Variants in KCND2 observed in about 807,000 individuals in gnomAD.
The protein encoded by KCND2 is potassium voltage-gated channel subfamily D member 2.
In KCND2, 16 loss-of-function variants were observed where a neutral mutation model predicts 54.4. The observed-to-expected ratio is 0.29, with a 90% confidence interval of 0.20 to 0.45. KCND2 has a LOEUF of 0.45. Ranked by LOEUF, KCND2 falls within the 20% of genes least tolerant of loss-of-function variation. KCND2 has a pLI of 1.00. For missense variants in KCND2, 486 were observed against 824.2 expected (o/e 0.59, Z 5.02); for synonymous variants, 317 against 310.7 (o/e 1.02, Z -0.21).
chr7:120,288,634 G>C (rs924071470), intron 1 of KCND2, among the ~76,000 whole-genome samples: 45 of 152,072 alleles, frequency 3.0e-4, no homozygotes, highest in African/African-American at 9.7e-4. Context: ...ATGAGGTCCA[G>C]GTGTAATGAG....
intron 1 of KCND2, among the ~76,000 whole-genome samples, chr7:120,422,065 T>C (rs921158442): frequency 5.9e-5 from 9 of 152,088 alleles, no homozygotes; most frequent in African/African-American, 2.2e-4. Flanking sequence ...ATGCTAAATA[T>C]GAAAAAAGGA....
At chr7:120,692,347 G>A (rs933864286) in intron 1 of KCND2, among the ~76,000 whole-genome samples, 2 of 152,126 alleles carry the variant, frequency 1.3e-5, no homozygotes, top group African/African-American at 2.4e-5. Context: ...TGTGGTGCTT[G>A]GGGACCAGTT....
In KCND2 at chr7:120,677,457, G is replaced by C. The variant is rs75247950; in HGVS notation, c.1116-55446G>C. Among the ~76,000 whole-genome samples, 101 of 151,678 alleles carry C rather than the reference G, an allele frequency of 6.7e-4. 1 individual carries two copies. In the East Asian group the frequency reaches 0.017, roughly 26 times the overall value. ...CAGCTAGTCTTTGTGAAATAGTTGA[G>C]GATAGAGGTGGATCTGCTGTTAAGT... On this transcript the variant is annotated intron_variant, in intron 1 of 5. Coordinates refer to ENST00000331113, the MANE Select transcript of KCND2 (RefSeq NM_012281.3).
chr7:120,567,618 A>G (rs1792314035), intron 1 of KCND2, among the ~76,000 whole-genome samples: 1 of 152,166 alleles, frequency 6.6e-6, no homozygotes, highest in East Asian at 1.9e-4. Flanking sequence ...GAGAAACACA[A>G]ATATCTAAAA....
intron 1 of KCND2, among the ~76,000 whole-genome samples, chr7:120,563,243 C>T: frequency 6.6e-6 from 1 of 152,000 alleles, no homozygotes; most frequent in Non-Finnish European, 1.5e-5. Flanking sequence ...ATTGTAAGTT[C>T]AAGAATAGTT....
chr7:120,665,259 A>T (rs745437160), intron 1 of KCND2, among the ~76,000 whole-genome samples: 29 of 152,098 alleles, frequency 1.9e-4, no homozygotes, highest in Non-Finnish European at 3.5e-4. Flanking sequence ...TTTGTTTAAG[A>T]GTTGGGTGAT....
At chr7:120,369,355 A>G (rs1800732635) in intron 1 of KCND2, among the ~76,000 whole-genome samples, 1 of 152,048 alleles carries the variant, frequency 6.6e-6, no homozygotes, top group South Asian at 2.1e-4. Flanking sequence ...TTATAAGAAA[A>G]AAGATACTAT....
intron 1 of KCND2, among the ~76,000 whole-genome samples, chr7:120,465,045 C>T (rs185383753): frequency 2.6e-5 from 4 of 152,234 alleles, no homozygotes; most frequent in Admixed American, 1.3e-4. Flanking sequence ...GTAACACCAG[C>T]GGCAAAGGTC....
At chr7:120,621,755 A>G (rs1186116612) in intron 1 of KCND2, among the ~76,000 whole-genome samples, 2 of 152,186 alleles carry the variant, frequency 1.3e-5, no homozygotes, top group Non-Finnish European at 2.9e-5. Context: ...CTCAGTAACA[A>G]GAAGAGGAAA....
At chr7:120,497,987 A>G (rs550872276) in intron 1 of KCND2, among the ~76,000 whole-genome samples, 2 of 152,344 alleles carry the variant, frequency 1.3e-5, no homozygotes, top group South Asian at 2.1e-4. Flanking sequence ...ATGGAATGAC[A>G]ATAGAGGAAG....
At chr7:120,661,353 A>G (rs929923006) in intron 1 of KCND2, among the ~76,000 whole-genome samples, 4 of 152,162 alleles carry the variant, frequency 2.6e-5, no homozygotes, top group Non-Finnish European at 4.4e-5. Context: ...TCACCTCAGT[A>G]AAAGAAAAAA....
chr7:120,694,921 G>A (rs1792315707), intron 1 of KCND2, among the ~76,000 whole-genome samples: 1 of 152,050 alleles, frequency 6.6e-6, no homozygotes, highest in African/African-American at 2.4e-5. Context: ...TCAAGTTCCA[G>A]TTTAAATCTG....
chr7:120,615,995 C>T (rs578095141), intron 1 of KCND2, among the ~76,000 whole-genome samples: 2 of 152,224 alleles, frequency 1.3e-5, no homozygotes, highest in Admixed American at 6.5e-5. Flanking sequence ...TTATCCTTCA[C>T]TAGACTATGA....
chr7:120,390,915 T>G (rs1801065413), intron 1 of KCND2, among the ~76,000 whole-genome samples: 1 of 152,056 alleles, frequency 6.6e-6, no homozygotes, highest in African/African-American at 2.4e-5. Flanking sequence ...TTTTTTAAAT[T>G]TTACTTTAAG....
At chr7:120,445,427 G>C (rs1802006391) in intron 1 of KCND2, among the ~76,000 whole-genome samples, 2 of 152,092 alleles carry the variant, frequency 1.3e-5, no homozygotes, top group African/African-American at 4.8e-5. Flanking sequence ...GACAGTCTCT[G>C]AATCTAGACT....
intron 1 of KCND2, among the ~76,000 whole-genome samples, chr7:120,379,989 T>C (rs1008135094): frequency 1.3e-5 from 2 of 152,078 alleles, no homozygotes; most frequent in Non-Finnish European, 2.9e-5. Flanking sequence ...GTTACTACAG[T>C]ATAACCTACG....
At chr7:120,276,606 A>G (rs945495816) in intron 1 of KCND2, among the ~76,000 whole-genome samples, 3 of 152,006 alleles carry the variant, frequency 2.0e-5, no homozygotes, top group African/African-American at 7.2e-5. Context: ...TCCTTTTAGA[A>G]TTTTTTTGTG....
chr7:120,274,605 A>G lies in KCND2; in HGVS notation c.-28A>G, dbSNP rs1347620860. The G allele has an allele frequency of 6.2e-7, 1 of 1,613,922 alleles. No homozygotes were observed. Among genetic ancestry groups the G allele is most frequent in the East Asian group, 2.2e-5 (1 of 44,854 alleles). ...GGTGACCCATTGTAGACGCCTCGTT[A>G]CCCTTCTTCCTTCCGCTTCAAGTAA... On this transcript the variant is annotated 5_prime_UTR_variant, in exon 1 of 6. Transcript: ENST00000331113.
intron 4 of KCND2, among the ~76,000 whole-genome samples, chr7:120,745,100 G>A (rs1467523162): frequency 2.0e-5 from 3 of 152,110 alleles, no homozygotes; most frequent in African/African-American, 7.2e-5. Context: ...TGCCAGTGAT[G>A]TATTACGAAG....
Sources: allele counts gnomAD v4.1 joint callset (sites outside exome capture counted in the v4.1 genomes callset), GRCh38; gene constraint gnomAD v4.1.1; transcripts MANE v1.5; gene names NCBI Gene and HGNC (gene_info 2026-07-23, HGNC 2026-07-21).